Variants in SEMA5A observed in about 807,000 individuals in gnomAD.
SEMA5A encodes the protein semaphorin-5A.
A neutral mutation model predicts 135.5 loss-of-function variants in SEMA5A; 55 were observed. That is an observed-to-expected ratio of 0.41 (90% CI 0.33 to 0.51). SEMA5A has a LOEUF of 0.51. Ranked by LOEUF, SEMA5A falls within the 20% of genes least tolerant of loss-of-function variation. SEMA5A has a pLI of 0.37. For synonymous variants in SEMA5A, 580 were observed against 546.5 expected (o/e 1.06, Z -0.85); for missense variants, 1,290 against 1,419.9 (o/e 0.91, Z 1.47).
intron 1 of SEMA5A, among the ~76,000 whole-genome samples, chr5:9,452,120 G>T (rs974611182): frequency 4.6e-5 from 7 of 152,146 alleles, no homozygotes; most frequent in African/African-American, 1.7e-4. Context: ...GCTCAGAATT[G>T]GCCCTGCCCT....
chr5:9,073,233 C>T (rs555359915), intron 16 of SEMA5A, among the ~76,000 whole-genome samples: 1 of 151,994 alleles, frequency 6.6e-6, no homozygotes, highest in South Asian at 2.1e-4. Flanking sequence ...GAAATCAAAC[C>T]CAAAATATAT....
chr5:9,492,937 G>A (rs1232093658), intron 1 of SEMA5A, among the ~76,000 whole-genome samples: 2 of 152,106 alleles, frequency 1.3e-5, no homozygotes. Context: ...TCTGTTGGTG[G>A]ATGCATGTCA....
At chr5:9,345,493 G>A (rs1279858996) in intron 3 of SEMA5A, among the ~76,000 whole-genome samples, 1 of 146,756 alleles carries the variant, frequency 6.8e-6, no homozygotes, top group East Asian at 2.0e-4. Flanking sequence ...TTTACATTAT[G>A]GATATATATT....
rs534049900 is a variant in SEMA5A at position 9,258,047 on chromosome 5, A to G, written c.271-20157T>C. On this transcript the variant is annotated intron_variant, in intron 5 of 22. Transcript: ENST00000382496. ...ATGCTGAGATTTTGACCTGCTGAAT[A>G]CACATTTGGACTGAATACTGAAAAG... Among the ~76,000 whole-genome samples the G allele has an allele frequency of 6.6e-5, 10 of 152,340 alleles. No individual in the cohort carries two copies. In the South Asian group the frequency reaches 1.9e-3, roughly 28 times the overall value.
intron 7 of SEMA5A, among the ~76,000 whole-genome samples, chr5:9,226,381 C>A (rs1303392211): frequency 6.6e-6 from 1 of 152,170 alleles, no homozygotes; most frequent in Non-Finnish European, 1.5e-5. Flanking sequence ...GAAAGAGGAT[C>A]AGTTATAACT....
chr5:9,515,003 GT>G (rs1736425950), intron 1 of SEMA5A, among the ~76,000 whole-genome samples: 1 of 152,162 alleles, frequency 6.6e-6, no homozygotes, highest in African/African-American at 2.4e-5. Context: ...TCCTCAAAAT[GT>G]TTTTCTCCTA....
intron 13 of SEMA5A, among the ~76,000 whole-genome samples, chr5:9,125,963 A>G (rs1178944301): frequency 2.0e-5 from 3 of 152,210 alleles, no homozygotes; most frequent in African/African-American, 7.2e-5. Flanking sequence ...CTATGCTTAC[A>G]CATCCTCGCC....
chr5:9,237,356 A>C (rs1747964248), intron 6 of SEMA5A, among the ~76,000 whole-genome samples: 1 of 152,244 alleles, frequency 6.6e-6, no homozygotes, highest in South Asian at 2.1e-4. Context: ...ATTCTATAGG[A>C]ACATGGGATG....
chr5:9,471,562 G>A (rs1276701196), intron 1 of SEMA5A, among the ~76,000 whole-genome samples: 2 of 151,944 alleles, frequency 1.3e-5, no homozygotes, highest in African/African-American at 2.4e-5. Flanking sequence ...AATAACTTAC[G>A]ACAATTAAAA....
At position 9,136,614 on chromosome 5, in the gene SEMA5A, T is replaced by C. The variant is rs770717900; in HGVS notation, c.1489A>G (p.Ile497Val). The C allele has an allele frequency of 1.2e-6, 2 of 1,613,020 alleles. No homozygotes were observed. Among genetic ancestry groups the C allele is most frequent in the South Asian group, 2.2e-5 (2 of 91,070 alleles). ...CCACAGTAAGGGTCCTGGGCCCCAATGCAGGTGCTGGAAACACACACCAAA... is the reference window on the plus strand; with the variant it reads ...CCACAGTAAGGGTCCTGGGCCCCAACGCAGGTGCTGGAAACACACACCAAA... ...CQFYRTRSTC[I>V]GAQDPYCGWD... is the part of the protein sequence containing the mutation. Residue 497 changes from isoleucine (I) to valine (V), a missense_variant, in exon 13 of 23, where the codon ATT (isoleucine) becomes GTT (valine). Around this residue, in one of 3 missense-constraint regions of SEMA5A, gnomAD observed 1,029 missense variants for 1,086.6 expected, o/e 0.95. Coordinates refer to ENST00000382496, the MANE Select transcript of SEMA5A (RefSeq NM_003966.3).
chr5:9,121,482 C>A (rs1202289435), intron 14 of SEMA5A, among the ~76,000 whole-genome samples: 1 of 152,122 alleles, frequency 6.6e-6, no homozygotes, highest in Non-Finnish European at 1.5e-5. Flanking sequence ...GAAGACAGAT[C>A]GATAAATAAG....
chr5:9,407,789 C>T (rs1756943917), intron 2 of SEMA5A, among the ~76,000 whole-genome samples: 1 of 152,130 alleles, frequency 6.6e-6, no homozygotes, highest in Non-Finnish European at 1.5e-5. Context: ...CTGCCAGATT[C>T]CTTTAAGCTC....
At chr5:9,100,886 T>C (rs1007901511) in intron 16 of SEMA5A, among the ~76,000 whole-genome samples, 7 of 152,064 alleles carry the variant, frequency 4.6e-5, no homozygotes, top group African/African-American at 9.7e-5. Flanking sequence ...ATCTCCATAA[T>C]GTTTAATACT....
intron 5 of SEMA5A, among the ~76,000 whole-genome samples, chr5:9,300,945 C>T (rs1229393335): frequency 6.6e-6 from 1 of 152,142 alleles, no homozygotes; most frequent in East Asian, 1.9e-4. Context: ...CTTCCAGGCT[C>T]CAGCACTGTA....
At chr5:9,431,975 T>C (rs890724041) in intron 2 of SEMA5A, among the ~76,000 whole-genome samples, 1 of 152,152 alleles carries the variant, frequency 6.6e-6, no homozygotes, top group Non-Finnish European at 1.5e-5. Flanking sequence ...ATAACACACT[T>C]GGCAGACATT....
At chr5:9,186,593 C>T (rs1245397377) in intron 11 of SEMA5A, among the ~76,000 whole-genome samples, 4 of 152,252 alleles carry the variant, frequency 2.6e-5, no homozygotes, top group African/African-American at 4.8e-5. Flanking sequence ...GTTGATAACT[C>T]GTTTAACTCC....
chr5:9,050,206 C>G (rs996325460), intron 21 of SEMA5A, among the ~76,000 whole-genome samples: 6 of 152,112 alleles, frequency 3.9e-5, no homozygotes, highest in African/African-American at 1.4e-4. Context: ...TGGGTCTACG[C>G]ACCCCATTTT....
intron 11 of SEMA5A, among the ~76,000 whole-genome samples, chr5:9,164,393 T>A (rs886600238): frequency 3.3e-5 from 5 of 149,364 alleles, no homozygotes; most frequent in Non-Finnish European, 4.4e-5. Context: ...AAAACTAGAT[T>A]ATAAATATTT....
At chr5:9,102,772 A>G (rs914170378) in intron 16 of SEMA5A, among the ~76,000 whole-genome samples, 12 of 152,202 alleles carry the variant, frequency 7.9e-5, no homozygotes, top group Admixed American at 1.3e-4. Flanking sequence ...AAAATCCTGA[A>G]CATGGATTCA....
Sources: allele counts gnomAD v4.1 joint callset (sites outside exome capture counted in the v4.1 genomes callset), GRCh38; gene constraint gnomAD v4.1.1; regional missense constraint gnomAD v4.1.1; transcripts MANE v1.5; gene names NCBI Gene and HGNC (gene_info 2026-07-23, HGNC 2026-07-21).